TENM2: variants seen among roughly 807,000 people sequenced by gnomAD.
The protein encoded by TENM2 is teneurin transmembrane protein 2.
A neutral mutation model predicts 245.2 loss-of-function variants in TENM2; 52 were observed. That is an observed-to-expected ratio of 0.21 (90% CI 0.17 to 0.27). TENM2 has a LOEUF of 0.27. TENM2 is among the 10% of genes least tolerant of loss of function. The pLI is 1.00. For missense variants in TENM2, 3,046 were observed against 3,666.8 expected, an observed-to-expected ratio of 0.83 and a Z score of 4.37; for synonymous variants, 1,363 against 1,438.9, an observed-to-expected ratio of 0.95 and a Z score of 1.19.
chr5:167,122,116 T>C, the TENM2 span, among the ~76,000 whole-genome samples: 1 of 152,168 alleles, frequency 6.6e-6, no homozygotes, highest in Non-Finnish European at 1.5e-5. Flanking sequence ...AATGGATATA[T>C]TGCACACACC....
At chr5:167,365,493 A>G in intron 1 of TENM2, among the ~76,000 whole-genome samples, 1 of 151,888 alleles carries the variant, frequency 6.6e-6, no homozygotes, top group African/African-American at 2.4e-5. Context: ...TGAAAAATCG[A>G]TAAAATAAAA....
intron 2 of TENM2, among the ~76,000 whole-genome samples, chr5:167,383,024 G>A (rs1021517227): frequency 2.0e-5 from 3 of 152,104 alleles, no homozygotes; most frequent in South Asian, 2.1e-4. Context: ...GGGGTGGGGG[G>A]ACTTATTTCT....
rs907624208 is a variant in TENM2, at chr5:167,301,065, C to A, written c.226+16002C>A. Among the ~76,000 whole-genome samples, 4 of 152,154 alleles carry A rather than the reference C, an allele frequency of 2.6e-5. No individual in the cohort carries two copies. The South Asian group carries it at 8.3e-4, about 32-fold the overall frequency. On this transcript the variant is annotated intron_variant, in intron 1 of 28. Transcript: ENST00000518659. ...GCCTCCTTATTGATTAAGAAGGGGA[C>A]GGACTTACTTTCCACTGTGAGAGTT...
At chr5:167,227,618 A>G in the TENM2 span, among the ~76,000 whole-genome samples, 2 of 152,202 alleles carry the variant, frequency 1.3e-5, no homozygotes, top group Non-Finnish European at 2.9e-5. Flanking sequence ...TCTATGAAGA[A>G]ATCCACTTTT....
At chr5:167,785,798 G>A (rs1398132687) in intron 2 of TENM2, among the ~76,000 whole-genome samples, 1 of 152,208 alleles carries the variant, frequency 6.6e-6, no homozygotes, top group Admixed American at 6.5e-5. Context: ...CATTAGACAA[G>A]GGACAGCAAG....
chr5:167,706,422 T>C (rs1758529166), intron 2 of TENM2, among the ~76,000 whole-genome samples: 1 of 149,886 alleles, frequency 6.7e-6, no homozygotes, highest in Admixed American at 6.7e-5. Context: ...AATGTGACAC[T>C]GTACATATAT....
At chr5:167,917,499 T>A (rs1222776429) in intron 3 of TENM2, among the ~76,000 whole-genome samples, 1 of 152,046 alleles carries the variant, frequency 6.6e-6, no homozygotes, top group African/African-American at 2.4e-5. Flanking sequence ...TTCCACCTAT[T>A]TGGGAGTAGG....
chr5:167,805,250 G>A (rs1265821511), intron 2 of TENM2, among the ~76,000 whole-genome samples: 1 of 152,254 alleles, frequency 6.6e-6, no homozygotes, highest in Non-Finnish European at 1.5e-5. Context: ...ATGTCTATCT[G>A]TTTTATTAGC....
intron 1 of TENM2, among the ~76,000 whole-genome samples, chr5:167,306,925 C>T (rs1287973552): frequency 6.6e-6 from 1 of 152,144 alleles, no homozygotes; most frequent in Non-Finnish European, 1.5e-5. Flanking sequence ...ACAACCAAGG[C>T]CTAGAGAGGT....
chr5:167,675,102 C>T (rs1756228124), intron 2 of TENM2, among the ~76,000 whole-genome samples: 1 of 152,062 alleles, frequency 6.6e-6, no homozygotes, highest in South Asian at 2.1e-4. Flanking sequence ...TGTAAGCTCT[C>T]CAAAAATATC....
At chr5:167,897,739 G>A (rs989227377) in intron 3 of TENM2, among the ~76,000 whole-genome samples, 1 of 152,014 alleles carries the variant, frequency 6.6e-6, no homozygotes, top group African/African-American at 2.4e-5. Context: ...TTTGTCAAAG[G>A]GTCCTTATTT....
At chr5:166,990,498 A>T in the TENM2 span, among the ~76,000 whole-genome samples, 2 of 152,192 alleles carry the variant, frequency 1.3e-5, no homozygotes, top group East Asian at 3.9e-4. Flanking sequence ...GTATTTTCTA[A>T]TATAAATTAC....
intron 2 of TENM2, among the ~76,000 whole-genome samples, chr5:167,525,277 A>T (rs966070687): frequency 6.6e-6 from 1 of 152,256 alleles, no homozygotes; most frequent in East Asian, 1.9e-4. Flanking sequence ...CAATATTATG[A>T]CACTGTGATG....
At chr5:167,077,579 G>C in the TENM2 span, among the ~76,000 whole-genome samples, 2 of 152,176 alleles carry the variant, frequency 1.3e-5, no homozygotes, top group Non-Finnish European at 2.9e-5. Flanking sequence ...AATATGATCG[G>C]ATAAGCCATG....
intron 2 of TENM2, among the ~76,000 whole-genome samples, chr5:167,507,887 T>G (rs962052699): frequency 2.6e-5 from 4 of 152,154 alleles, no homozygotes; most frequent in Non-Finnish European, 5.9e-5. Context: ...CTGTAGATTT[T>G]ATTTTTCTTT....
At chr5:168,130,347 C>T (rs1754465389) in intron 12 of TENM2, 1 of 152,252 alleles carries the variant, frequency 6.6e-6, no homozygotes, top group African/African-American at 2.4e-5. Flanking sequence ...TAACCTTTTC[C>T]TTAAAAGTTA....
rs554423780 is a variant in TENM2, at chr5:167,420,516, G to A, written c.502+45043G>A. Among the ~76,000 whole-genome samples, 105 of 152,214 alleles carry A rather than the reference G, an allele frequency of 6.9e-4. 1 individual carries two copies. In the South Asian group the frequency reaches 0.02, roughly 29 times the overall value. On this transcript the variant is annotated intron_variant, in intron 2 of 28. Transcript: ENST00000518659. ...CACTCACTCACTCACTTCCAGCCAT[G>A]CGGTCTTTGAATAAGCCAATCCCAT...
intron 2 of TENM2, among the ~76,000 whole-genome samples, chr5:167,442,005 C>T (rs566688707): frequency 6.6e-6 from 1 of 151,818 alleles, no homozygotes; most frequent in South Asian, 2.1e-4. Flanking sequence ...TTTGTTTATG[C>T]CAAAGAAAAG....
the TENM2 span, among the ~76,000 whole-genome samples, chr5:167,256,109 C>G: frequency 1.1e-4 from 17 of 152,242 alleles, no homozygotes; most frequent in East Asian, 3.3e-3. Context: ...TGATCCTACA[C>G]TAAGTGGTGC....
Sources: gnomAD v4.1 joint callset for allele counts (sites outside exome capture counted in the v4.1 genomes callset) on GRCh38, gnomAD v4.1.1 for gene constraint, MANE v1.5 for transcripts, NCBI Gene and HGNC (gene_info 2026-07-23, HGNC 2026-07-21) for gene names.